Variants in TENM2 observed in about 807,000 individuals in gnomAD.
TENM2 encodes the protein teneurin-2.
In TENM2, 52 loss-of-function variants were observed where a neutral mutation model predicts 245.2. The ratio of observed to expected loss-of-function variants is 0.21; its 90% confidence interval spans 0.17 to 0.27. The LOEUF (loss-of-function observed/expected upper bound fraction) is 0.27. Among genes scored for constraint, TENM2 ranks in the 10% least tolerant of loss-of-function variants. TENM2 has a pLI of 1.00. For synonymous variants in TENM2, 1,363 were observed against 1,438.9 expected (o/e 0.95, Z 1.19); for missense variants, 3,046 against 3,666.8 (o/e 0.83, Z 4.37).
intron 2 of TENM2, among the ~76,000 whole-genome samples, chr5:167,696,866 C>T (rs561692663): frequency 6.6e-6 from 1 of 152,274 alleles, no homozygotes; most frequent in East Asian, 1.9e-4. Flanking sequence ...CACCCAGCAG[C>T]CAGTAAGACC....
intron 7 of TENM2, among the ~76,000 whole-genome samples, chr5:168,080,281 C>CT (rs914100278): frequency 1.3e-5 from 2 of 152,146 alleles, no homozygotes; most frequent in Admixed American, 1.3e-4. Flanking sequence ...GTGATATCCC[C>CT]TTTATCATTT....
At chr5:167,501,228 CA>C (rs1769190524) in intron 2 of TENM2, among the ~76,000 whole-genome samples, 1 of 152,148 alleles carries the variant, frequency 6.6e-6, no homozygotes, top group Admixed American at 6.6e-5. Flanking sequence ...CCTCTCAATC[CA>C]AATCACATGG....
chr5:167,388,878 T>C, intron 2 of TENM2, among the ~76,000 whole-genome samples: 1 of 152,004 alleles, frequency 6.6e-6, no homozygotes, highest in East Asian at 1.9e-4. Context: ...GATATAATTG[T>C]GTTGTGCTTT....
chr5:167,066,602 A>G, the TENM2 span, among the ~76,000 whole-genome samples: 2 of 144,052 alleles, frequency 1.4e-5, no homozygotes, highest in African/African-American at 5.2e-5. Flanking sequence ...TCATTGTTCA[A>G]TTCCTACCTA....
the TENM2 span, among the ~76,000 whole-genome samples, chr5:167,229,864 G>A: frequency 6.6e-6 from 1 of 152,220 alleles, no homozygotes; most frequent in African/African-American, 2.4e-5. Context: ...AGGGAGGGCA[G>A]GATTGGTTTC....
chr5:167,142,543 A>G, the TENM2 span, among the ~76,000 whole-genome samples: 1 of 151,998 alleles, frequency 6.6e-6, no homozygotes, highest in Non-Finnish European at 1.5e-5. Flanking sequence ...CTCTCTATGT[A>G]TATGCAATCT....
intron 5 of TENM2, among the ~76,000 whole-genome samples, chr5:168,012,774 G>GAAAAAAAAAAAAAAAAAAA (rs3056563): frequency 2.7e-5 from 2 of 74,280 alleles, no homozygotes; most frequent in African/African-American, 5.1e-5. Flanking sequence ...AAGAACAACT[G>GAAAAAAAAAAAAAAAAAAA]AAAAAAAAAA....
chr5:167,293,368 A>ATTTTTTTTTTTTTTTTTTTT (rs199972172), intron 1 of TENM2, among the ~76,000 whole-genome samples: 1 of 130,542 alleles, frequency 7.7e-6, no homozygotes, highest in Non-Finnish European at 1.6e-5. Context: ...TGTCCGGCTA[A>ATTTTTTTTTTTTTTTTTTTT]TTTTTTTTTT....
chr5:168,034,097 A>ATATATATATATGTG (rs1787407158), intron 5 of TENM2, among the ~76,000 whole-genome samples: 4 of 136,092 alleles, frequency 2.9e-5, no homozygotes, highest in African/African-American at 6.0e-5. Context: ...ATATGTGTAT[A>ATATATATATATGTG]TATATATGTA....
chr5:167,800,292 G>C (rs1246182385), intron 2 of TENM2, among the ~76,000 whole-genome samples: 1 of 152,100 alleles, frequency 6.6e-6, no homozygotes, highest in Admixed American at 6.5e-5. Context: ...GGAACATCTT[G>C]GATCCCTCTA....
intron 2 of TENM2, among the ~76,000 whole-genome samples, chr5:167,775,156 CG>C (rs1294298525): frequency 6.6e-6 from 1 of 152,018 alleles, no homozygotes; most frequent in African/African-American, 2.4e-5. Context: ...TTAGTAGAGA[CG>C]GGGTTTCTCC....
intron 4 of TENM2, among the ~76,000 whole-genome samples, chr5:167,962,126 A>G (rs1483558756): frequency 6.6e-6 from 1 of 152,160 alleles, no homozygotes; most frequent in Non-Finnish European, 1.5e-5. Flanking sequence ...TCCTAAAGTA[A>G]GCTCTTCCAG....
chr5:167,105,880 T>A, the TENM2 span, among the ~76,000 whole-genome samples: 1 of 76,846 alleles, frequency 1.3e-5, no homozygotes, highest in African/African-American at 5.8e-5. Flanking sequence ...AGAGCGAGAC[T>A]CCGTCTCAAA....
intron 1 of TENM2, 31 bp downstream of exon 3, chr5:167,285,094 TCAA>T: frequency 6.7e-7 from 1 of 1,497,778 alleles, no homozygotes; most frequent in Non-Finnish European, 9.1e-7. Context: ...TGATTTGCTC[TCAA>T]CTGTCTAACT....
chr5:167,778,235 A>G (rs1230752672), intron 2 of TENM2, among the ~76,000 whole-genome samples: 2 of 152,230 alleles, frequency 1.3e-5, no homozygotes, highest in Non-Finnish European at 2.9e-5. Flanking sequence ...AATCCACATC[A>G]TGGATGCATG....
At chr5:167,264,274 G>A in the TENM2 span, among the ~76,000 whole-genome samples, 1 of 152,072 alleles carries the variant, frequency 6.6e-6, no homozygotes, top group Non-Finnish European at 1.5e-5. Flanking sequence ...ACTGGTATTT[G>A]GCTATGAAGC....
At chr5:168,241,535 TAC>T (rs1346159026) in intron 25 of TENM2, among the ~76,000 whole-genome samples, 3 of 151,926 alleles carry the variant, frequency 2.0e-5, no homozygotes, top group Non-Finnish European at 4.4e-5. Flanking sequence ...ATGTTGAAAT[TAC>T]AGACATGAGC....
the TENM2 span, among the ~76,000 whole-genome samples, chr5:167,213,532 G>A: frequency 2.6e-5 from 4 of 152,156 alleles, no homozygotes; most frequent in African/African-American, 4.8e-5. Context: ...AGGTTTCAAC[G>A]TATGAAGGCA....
At chr5:168,231,766 ACAACAACAACAAC>A (rs1764936626) in intron 25 of TENM2, among the ~76,000 whole-genome samples, 4 of 150,228 alleles carry the variant, frequency 2.7e-5, no homozygotes, top group Middle Eastern at 3.4e-3. Flanking sequence ...ACAACAACAA[ACAACAACAACAAC>A]CAAAAAAAAA....
Sources: allele counts gnomAD v4.1 joint callset (sites outside exome capture counted in the v4.1 genomes callset), GRCh38; gene constraint gnomAD v4.1.1; transcripts MANE v1.5; gene names NCBI Gene and HGNC (gene_info 2026-07-23, HGNC 2026-07-21).